The following RANBP2 variants were observed in gnomAD, a reference collection of about 807,000 sequenced individuals.
RANBP2 encodes the protein E3 SUMO-protein ligase RanBP2.
In RANBP2, 57 loss-of-function variants were observed where a neutral mutation model predicts 303.6. That is an observed-to-expected ratio of 0.19 (90% CI 0.15 to 0.23). The LOEUF (loss-of-function observed/expected upper bound fraction) is 0.23, where lower values mean the gene tolerates loss of function less well. Among genes scored for constraint, RANBP2 ranks in the 10% least tolerant of loss-of-function variants. The pLI, the probability that RANBP2 is intolerant of heterozygous loss-of-function variation, is 1.00. For synonymous variants in RANBP2, 1,167 were observed against 1,301.5 expected (o/e 0.90, Z 2.23); for missense variants, 3,138 against 3,780.8 (o/e 0.83, Z 4.46).
the RANBP2 span, chr2:108,794,809 T>C: frequency 1.0e-6 from 1 of 994,682 alleles, no homozygotes. Flanking sequence ...ATATATTTCA[T>C]TTTAATTACT....
At chr2:109,623,551 G>C in the RANBP2 span, among the ~76,000 whole-genome samples, 191 of 152,336 alleles carry the variant, frequency 1.3e-3, 4 homozygotes, top group East Asian at 0.035. Flanking sequence ...AAAACCCAGA[G>C]TGACCCCGAT....
At chr2:109,265,366 C>G in the RANBP2 span, among the ~76,000 whole-genome samples, 5 of 152,202 alleles carry the variant, frequency 3.3e-5, no homozygotes, top group African/African-American at 1.2e-4. Context: ...TTGACCTTTC[C>G]TGTTATCCAT....
chr2:109,385,532 A>G, the RANBP2 span, among the ~76,000 whole-genome samples: 131 of 152,276 alleles, frequency 8.6e-4, 1 homozygote, highest in Non-Finnish European at 7.3e-5. Flanking sequence ...GAAGGAAACA[A>G]TCACTTAGAG....
the RANBP2 span, among the ~76,000 whole-genome samples, chr2:109,039,411 C>T: frequency 1.3e-5 from 2 of 152,108 alleles, no homozygotes; most frequent in African/African-American, 4.8e-5. Context: ...AGTGCAGCAG[C>T]GCGATCTCAG....
the RANBP2 span, among the ~76,000 whole-genome samples, chr2:109,295,022 A>C: frequency 5.3e-5 from 8 of 152,256 alleles, no homozygotes; most frequent in Non-Finnish European, 1.0e-4. Context: ...TGGATTAGCC[A>C]TCGCTATGAA....
chr2:109,685,712 G>A, the RANBP2 span, among the ~76,000 whole-genome samples: 1 of 152,336 alleles, frequency 6.6e-6, no homozygotes, highest in East Asian at 1.9e-4. Flanking sequence ...CTGGTTTGCT[G>A]TGGTTCTGGT....
At chr2:109,429,354 C>T in the RANBP2 span, among the ~76,000 whole-genome samples, 1 of 152,132 alleles carries the variant, frequency 6.6e-6, no homozygotes, top group African/African-American at 2.4e-5. Context: ...CAAAGTGAAG[C>T]TAGGCTTATT....
At chr2:109,577,190 CAG>C in the RANBP2 span, among the ~76,000 whole-genome samples, 2 of 152,252 alleles carry the variant, frequency 1.3e-5, no homozygotes, top group African/African-American at 4.8e-5. Flanking sequence ...ACTGGCAACC[CAG>C]AATTGTACAT....
the RANBP2 span, among the ~76,000 whole-genome samples, chr2:109,012,660 A>G: frequency 3.3e-5 from 5 of 152,216 alleles, no homozygotes; most frequent in African/African-American, 4.8e-5. Flanking sequence ...CACGCCTGTA[A>G]TCCCAGCACT....
chr2:109,621,607 G>A, the RANBP2 span, among the ~76,000 whole-genome samples: 1 of 152,018 alleles, frequency 6.6e-6, no homozygotes, highest in Non-Finnish European at 1.5e-5. Flanking sequence ...TTGGATCTTT[G>A]AATTTGCATT....
the RANBP2 span, among the ~76,000 whole-genome samples, chr2:109,609,571 G>A: frequency 1.4e-4 from 21 of 147,616 alleles, no homozygotes; most frequent in Admixed American, 1.2e-3. Context: ...TGCCGAGATC[G>A]CGCCACTGCA....
chr2:109,613,797 C>G, the RANBP2 span: 4 of 1,231,962 alleles, frequency 3.2e-6, no homozygotes, highest in African/African-American at 4.7e-5. Flanking sequence ...GCGGGACTCA[C>G]CAGGTGCCGC....
At chr2:109,011,527 T>C in the RANBP2 span, among the ~76,000 whole-genome samples, 1 of 152,208 alleles carries the variant, frequency 6.6e-6, no homozygotes, top group African/African-American at 2.4e-5. Flanking sequence ...TGTAGCACAG[T>C]GTGGTTCAAC....
chr2:109,096,027 G>T, the RANBP2 span, among the ~76,000 whole-genome samples: 5 of 151,984 alleles, frequency 3.3e-5, no homozygotes, highest in Admixed American at 2.6e-4. Context: ...CAGAGTAAAG[G>T]TTTTTCTTTT....
At chr2:108,924,656 C>A in the RANBP2 span, among the ~76,000 whole-genome samples, 1 of 152,162 alleles carries the variant, frequency 6.6e-6, no homozygotes, top group Non-Finnish European at 1.5e-5. Context: ...TGGACTGTTA[C>A]CAGTAATGTT....
At chr2:108,964,123 G>A in the RANBP2 span, among the ~76,000 whole-genome samples, 1 of 152,188 alleles carries the variant, frequency 6.6e-6, no homozygotes, top group Non-Finnish European at 1.5e-5. Flanking sequence ...TATGGCTGTG[G>A]CTACCCCACT....
intron 7 of RANBP2, among the ~76,000 whole-genome samples, chr2:108,743,975 A>G (rs540863788): frequency 6.6e-6 from 1 of 152,326 alleles, no homozygotes; most frequent in African/African-American, 2.4e-5. Context: ...ATGTGCTGGC[A>G]TTTGGGTATT....
At chr2:109,417,172 C>T in the RANBP2 span, among the ~76,000 whole-genome samples, 3 of 152,320 alleles carry the variant, frequency 2.0e-5, no homozygotes, top group East Asian at 5.8e-4. Flanking sequence ...GAGAAAGCAT[C>T]CTCTGCGCAG....
chr2:109,240,436 C>A, the RANBP2 span, among the ~76,000 whole-genome samples: 2 of 152,030 alleles, frequency 1.3e-5, no homozygotes, highest in Admixed American at 6.6e-5. Flanking sequence ...TGCAGTGAGC[C>A]AAGATCGCAC....
Sources: gnomAD v4.1 joint callset for allele counts (sites outside exome capture counted in the v4.1 genomes callset) on GRCh38, gnomAD v4.1.1 for gene constraint, MANE v1.5 for transcripts, NCBI Gene and HGNC (gene_info 2026-07-23, HGNC 2026-07-21) for gene names.